Variants in CYRIA observed in about 807,000 individuals in gnomAD.
CYRIA encodes CYFIP-related Rac1 interactor A.
Under a neutral mutation model 43.9 loss-of-function variants are expected in CYRIA, and 15 were observed. That is an observed-to-expected ratio of 0.34 (90% CI 0.23 to 0.53). The LOEUF (loss-of-function observed/expected upper bound fraction) is 0.53, where lower values mean the gene tolerates loss of function less well. CYRIA is among the 20% of genes least tolerant of loss of function. The pLI is 0.94. For missense variants in CYRIA, 236 were observed against 394.2 expected, an observed-to-expected ratio of 0.60 and a Z score of 3.40; for synonymous variants, 117 against 136.0, an observed-to-expected ratio of 0.86 and a Z score of 0.97.
chr2:16,555,487 C>G (rs977639461), intron 10 of CYRIA, among the ~76,000 whole-genome samples: 3 of 152,082 alleles, frequency 2.0e-5, no homozygotes, highest in Admixed American at 2.0e-4. Flanking sequence ...ATGTCTATGT[C>G]TATGTTGGAC....
At chr2:16,562,165 A>G (rs1405428549) in intron 5 of CYRIA, 24 bp from the exon 6 acceptor site, 1 of 1,600,988 alleles carries the variant, frequency 6.2e-7, no homozygotes, top group Admixed American at 1.7e-5. Context: ...GGATAAATAG[A>G]TATGTTGGAG....
chr2:16,613,515 A>C (rs1458092545), intron 2 of CYRIA, among the ~76,000 whole-genome samples: 1 of 152,228 alleles, frequency 6.6e-6, no homozygotes, highest in Non-Finnish European at 1.5e-5. Context: ...AAATGCCCTC[A>C]TTTAATTCTC....
At chr2:16,601,348 A>G (rs1668200299) in intron 2 of CYRIA, among the ~76,000 whole-genome samples, 2 of 152,166 alleles carry the variant, frequency 1.3e-5, no homozygotes. Context: ...GGAACACAGA[A>G]TACACATTGG....
At chr2:16,623,048 C>T (rs1164441235) in intron 2 of CYRIA, 2 of 152,112 alleles carry the variant, frequency 1.3e-5, no homozygotes, top group African/African-American at 4.8e-5. Flanking sequence ...AAGATAACAC[C>T]AAAAACTAGT....
chr2:16,562,150 C>G lies in CYRIA; in HGVS notation c.299-9G>C. On this transcript the variant is annotated splice_polypyrimidine_tract_variant and intron_variant, in intron 5 of 11. Coordinates refer to ENST00000381323, the MANE Select transcript of CYRIA (RefSeq NM_030797.4). ...ACTCTGAAGAGCTTTTTCTGAAAAT[C>G]AAAGGGATAAATAGATATGTTGGAG... The G allele has an allele frequency of 6.2e-7, 1 of 1,608,744 alleles. No individual in the cohort carries two copies. Among genetic ancestry groups the G allele is most frequent in the Non-Finnish European group, 8.5e-7 (1 of 1,177,796 alleles).
chr2:16,611,167 T>C lies in CYRIA; in HGVS notation c.-11+12697A>G, dbSNP rs565721572. Among the ~76,000 whole-genome samples, 27 of 149,508 alleles carry C rather than the reference T, an allele frequency of 1.8e-4. No individual in the cohort carries two copies. In the South Asian group the frequency reaches 5.1e-3, roughly 28 times the overall value. On this transcript the variant is annotated intron_variant, in intron 2 of 11. Coordinates refer to ENST00000381323, the MANE Select transcript of CYRIA (RefSeq NM_030797.4). The stretch of plus-strand genomic sequence containing the variant: ...AAGGTTAAGAGATCAAGACCATCCT[T>C]CACAACATGGTGAAACCCTGTCTCT...
At chr2:16,664,214 G>A (rs1373504096) in intron 1 of CYRIA, among the ~76,000 whole-genome samples, 1 of 152,146 alleles carries the variant, frequency 6.6e-6, no homozygotes, top group Non-Finnish European at 1.5e-5. Flanking sequence ...AGAGGCAGGA[G>A]GGAATGTGGG....
intron 1 of CYRIA, among the ~76,000 whole-genome samples, chr2:16,633,544 T>C (rs1669395884): frequency 3.5e-5 from 2 of 57,812 alleles, no homozygotes; most frequent in South Asian, 1.6e-3. Flanking sequence ...TATCCCTGGC[T>C]TTTTTTTTTT....
At chr2:16,559,372 A>G in intron 10 of CYRIA, 88 bp downstream of exon 10, 2 of 1,412,770 alleles carry the variant, frequency 1.4e-6, no homozygotes, top group East Asian at 2.3e-5. Flanking sequence ...CTCAGTGGAG[A>G]GGTCCTGAGG....
chr2:16,610,833 T>C (rs541102666), intron 2 of CYRIA, among the ~76,000 whole-genome samples: 6 of 147,210 alleles, frequency 4.1e-5, no homozygotes, highest in African/African-American at 1.5e-4. Flanking sequence ...CCTCCCTCTA[T>C]CCATCACCCC....
chr2:16,651,065 C>A (rs761865069), intron 1 of CYRIA, among the ~76,000 whole-genome samples: 1 of 152,182 alleles, frequency 6.6e-6, no homozygotes, highest in Non-Finnish European at 1.5e-5. Context: ...GTATGGAAGG[C>A]GTTCTGCAGC....
chr2:16,576,545 T>C (rs1164281480), intron 3 of CYRIA, among the ~76,000 whole-genome samples: 2 of 152,204 alleles, frequency 1.3e-5, no homozygotes, highest in Non-Finnish European at 2.9e-5. Flanking sequence ...CTTCTATCTT[T>C]TCTCAGATCA....
intron 1 of CYRIA, among the ~76,000 whole-genome samples, chr2:16,642,646 A>G (rs1669708370): frequency 6.6e-6 from 1 of 152,140 alleles, no homozygotes; most frequent in Non-Finnish European, 1.5e-5. Context: ...GTGGACCCCC[A>G]GGACCTTGCC....
intron 2 of CYRIA, among the ~76,000 whole-genome samples, chr2:16,601,254 C>T (rs896365206): frequency 3.3e-5 from 5 of 152,074 alleles, no homozygotes; most frequent in African/African-American, 1.2e-4. Flanking sequence ...CAAGCTGCCA[C>T]CCAACGTGAA....
intron 2 of CYRIA, among the ~76,000 whole-genome samples, chr2:16,603,494 C>T (rs753727971): frequency 7.9e-5 from 12 of 152,160 alleles, no homozygotes; most frequent in Non-Finnish European, 1.5e-4. Context: ...GCTTCCCCCA[C>T]ACTTCCTTTG....
intron 2 of CYRIA, among the ~76,000 whole-genome samples, chr2:16,590,495 A>G (rs1262805406): frequency 6.6e-6 from 1 of 152,154 alleles, no homozygotes; most frequent in African/African-American, 2.4e-5. Context: ...ACTTGCATGG[A>G]TTGGGCTTCC....
intron 1 of CYRIA, among the ~76,000 whole-genome samples, chr2:16,637,866 A>T (rs4832669): frequency 0.22 from 33,815 of 152,106 alleles, 6,529 homozygotes; most frequent in East Asian, 0.61. Context: ...TTCTGACATC[A>T]CACAGCCAGT....
At chr2:16,626,593 T>C (rs1382217085) in intron 1 of CYRIA, among the ~76,000 whole-genome samples, 3 of 152,152 alleles carry the variant, frequency 2.0e-5, no homozygotes, top group South Asian at 2.1e-4. Context: ...AGTCAGCATA[T>C]GTTTGAGAGG....
intron 1 of CYRIA, among the ~76,000 whole-genome samples, chr2:16,633,707 T>TA (rs1669407076): frequency 6.6e-6 from 1 of 152,026 alleles, no homozygotes; most frequent in African/African-American, 2.4e-5. Flanking sequence ...ACGGGACTGT[T>TA]ACATCAATCT....
Sources: gnomAD v4.1 joint callset for allele counts (sites outside exome capture counted in the v4.1 genomes callset) on GRCh38, gnomAD v4.1.1 for gene constraint, MANE v1.5 for transcripts, NCBI Gene and HGNC (gene_info 2026-07-23, HGNC 2026-07-21) for gene names.